Variants in FCMR observed in about 807,000 individuals in gnomAD.
FCMR encodes Fc mu receptor.
FCMR carries 34 observed loss-of-function variants against 41.6 expected under a neutral mutation model. The observed-to-expected ratio is 0.82, with a 90% CI of 0.62 to 1.09. FCMR has a LOEUF of 1.09. FCMR is among the 50% of genes least tolerant of loss of function. FCMR has a pLI of 0.00. For missense variants in FCMR, 496 were observed against 512.5 expected (o/e 0.97, Z 0.31); for synonymous variants, 209 against 211.8 (o/e 0.99, Z 0.12).
chr1:206,908,424 C>A (rs1678774964), intron 7 of FCMR, among the ~76,000 whole-genome samples: 1 of 152,164 alleles, frequency 6.6e-6, no homozygotes, highest in Admixed American at 6.5e-5. Flanking sequence ...GGGAATTGTG[C>A]AGGTGTAATT....
At chr1:206,907,511 G>A (rs1234813506) in intron 7 of FCMR, 3 of 437,404 alleles carry the variant, frequency 6.9e-6, no homozygotes, top group South Asian at 3.9e-5. Context: ...TTGGGGAGGG[G>A]GAAGTAGGCT....
intron 1 of FCMR, among the ~76,000 whole-genome samples, chr1:206,914,337 CCTTCCTTCCTTCCTTCCTTT>C (rs1335352935): frequency 1.9e-3 from 107 of 56,326 alleles, no homozygotes; most frequent in African/African-American, 0.015. Context: ...TTCCTTCCTT[CCTTCCTTCCTTCCTTCCTTT>C]CTTTCTTTTT....
At chr1:206,906,863 T>G (rs374091417) in intron 7 of FCMR, among the ~76,000 whole-genome samples, 1 of 151,854 alleles carries the variant, frequency 6.6e-6, no homozygotes, top group Admixed American at 6.6e-5. Context: ...TGCTGCACCA[T>G]CCTCTGGAGT....
Position 206,915,834 on chromosome 1 carries a change from C to T in FCMR, c.38-1740G>A, listed in dbSNP as rs946725392. 2.0e-5 allele frequency among the ~76,000 whole-genome samples: 3 copies of T among 152,128 alleles called. No individual in the cohort carries two copies. The South Asian group carries it at 6.2e-4, about 32-fold the overall frequency. On this transcript the variant is annotated intron_variant, in intron 1 of 7. Coordinates refer to ENST00000367091, the MANE Select transcript of FCMR (RefSeq NM_005449.5). ...TACTGAGATTTATCCACAGGGCACACTTTAAGAAGAGCACTATCGAGTTTA... is the reference window on the plus strand; with the variant it reads ...TACTGAGATTTATCCACAGGGCACATTTTAAGAAGAGCACTATCGAGTTTA...
intron 2 of FCMR, 50 bp downstream of exon 2, chr1:206,913,709 G>A (rs756347742): frequency 2.7e-6 from 4 of 1,474,284 alleles, no homozygotes; most frequent in Admixed American, 3.4e-5. Context: ...ATCTTCCCAA[G>A]TGAAACATTT....
intron 7 of FCMR, chr1:206,908,054 G>A: frequency 2.5e-6 from 3 of 1,179,084 alleles, no homozygotes; most frequent in South Asian, 1.2e-5. Flanking sequence ...CACGATGGTG[G>A]CTGGAAGTAC....
At chr1:206,913,689 G>A in intron 2 of FCMR, 70 bp downstream of exon 2, 1 of 1,216,900 alleles carries the variant, frequency 8.2e-7, no homozygotes, top group South Asian at 1.3e-5. Flanking sequence ...ACAGTTAGAT[G>A]GCTGTTCCAA....
chr1:206,917,953 C>A, intron 1 of FCMR: 1 of 386,872 alleles, frequency 2.6e-6, no homozygotes, highest in South Asian at 1.9e-5. Flanking sequence ...TTGACCTTTG[C>A]CTCCCCTTCA....
chr1:206,920,739 A>G (rs1317190798), intron 1 of FCMR, among the ~76,000 whole-genome samples: 3 of 152,234 alleles, frequency 2.0e-5, no homozygotes, highest in Non-Finnish European at 4.4e-5. Flanking sequence ...CTGGCACTGC[A>G]GGCATCCTGA....
upstream of FCMR, among the ~76,000 whole-genome samples, chr1:206,922,336 A>T (rs955607893): frequency 6.6e-6 from 1 of 152,210 alleles, no homozygotes; most frequent in African/African-American, 2.4e-5. Context: ...TTGGGCCTGA[A>T]GTCAGAAGAT....
chr1:206,908,853 C>A (rs1306252216), intron 7 of FCMR, among the ~76,000 whole-genome samples: 1 of 152,094 alleles, frequency 6.6e-6, no homozygotes, highest in Non-Finnish European at 1.5e-5. Flanking sequence ...TAAAGATGAA[C>A]GGATAAAGGC....
rs1288691232 is a variant in FCMR, at chr1:206,910,317, G to A, written c.734C>T (p.Ser245Phe). 22 of 1,570,610 alleles carry A rather than the reference G, an allele frequency of 1.4e-5. No homozygotes were observed. Among genetic ancestry groups the A allele is most frequent in the Non-Finnish European group, 1.7e-5 (20 of 1,157,768 alleles). The change falls in exon 5 of 8, where the codon TCT (serine) becomes TTT (phenylalanine). Residue 245 changes from serine to phenylalanine, a missense_variant. Ser to Phe is a radical substitution (Grantham distance 155). Coordinates refer to ENST00000367091, the MANE Select transcript of FCMR (RefSeq NM_005449.5). The part of the protein sequence containing the change: ...RQRALDYGSQ[S>F]GREGQGFHIL... ...GTGAAATCCTTGGCCTTCCCTCCCA[G>A]ACTGTGAGCCATAGTCCAGTGCTCT... is the stretch of plus-strand genomic sequence containing the variant.
chr1:206,918,194 T>A (rs949153943), intron 1 of FCMR, among the ~76,000 whole-genome samples: 2 of 152,178 alleles, frequency 1.3e-5, no homozygotes, highest in Admixed American at 1.3e-4. Context: ...GTTGACAGAA[T>A]GGAGCCAGCC....
intron 1 of FCMR, among the ~76,000 whole-genome samples, chr1:206,921,032 G>T (rs1216030441): frequency 6.6e-6 from 1 of 152,208 alleles, no homozygotes; most frequent in Non-Finnish European, 1.5e-5. Context: ...TTGAGGTAAG[G>T]TTAGGCAGTT....
chr1:206,907,663 C>T (rs1222736839), intron 7 of FCMR: 6 of 787,338 alleles, frequency 7.6e-6, no homozygotes, highest in Non-Finnish European at 1.4e-5. Flanking sequence ...GAGGCCATCT[C>T]CTGGGCCCCC....
intron 7 of FCMR, among the ~76,000 whole-genome samples, 156 bp from the exon 8 acceptor site, chr1:206,905,303 CCCTGGGGATTT>C (rs563677451): frequency 4.1e-4 from 63 of 152,132 alleles, no homozygotes; most frequent in African/African-American, 1.4e-3. Flanking sequence ...AGTGGAGTAG[CCCTGGGGATTT>C]TCAGGGTAGT....
At chr1:206,910,005 G>A in intron 5 of FCMR, 137 bp from the exon 6 acceptor site, 4 of 1,165,980 alleles carry the variant, frequency 3.4e-6, no homozygotes, top group South Asian at 3.7e-5. Flanking sequence ...GGGAATGTAC[G>A]AGGCACGGCC....
upstream of FCMR, chr1:206,921,980 A>G: frequency 1.2e-6 from 1 of 826,478 alleles, no homozygotes; most frequent in Non-Finnish European, 2.0e-6. Context: ...CGAGGAACAA[A>G]GCTTGACGAT....
chr1:206,908,448 T>C lies in FCMR; in HGVS notation c.1044+1014A>G, dbSNP rs541755921. Among the ~76,000 whole-genome samples, 11 of 152,240 alleles carry C rather than the reference T, an allele frequency of 7.2e-5. No individual in the cohort carries two copies. In the South Asian group the frequency reaches 1.7e-3, roughly 23 times the overall value. ...GCAGGTGTAATTTATCTATGACCAATAGGAAGAGCAACCAGTTACTATTAG... is the reference window on the plus strand; with the variant it reads ...GCAGGTGTAATTTATCTATGACCAACAGGAAGAGCAACCAGTTACTATTAG... On this transcript the variant is annotated intron_variant, in intron 7 of 7. Coordinates refer to ENST00000367091, the MANE Select transcript of FCMR (RefSeq NM_005449.5).
Sources: gnomAD v4.1 joint callset for allele counts (sites outside exome capture counted in the v4.1 genomes callset) on GRCh38, gnomAD v4.1.1 for gene constraint, MANE v1.5 for transcripts, NCBI Gene and HGNC (gene_info 2026-07-23, HGNC 2026-07-21) for gene names.